The following PRKD1 variants were observed in gnomAD, a reference collection of about 807,000 sequenced individuals.
PRKD1 encodes the protein protein kinase D1, also known as serine/threonine-protein kinase D1.
Under a neutral mutation model 95.9 loss-of-function variants are expected in PRKD1, and 63 were observed. That is an observed-to-expected ratio of 0.66 (90% CI 0.54 to 0.81). The LOEUF is 0.81. PRKD1 is among the 30% of genes least tolerant of loss of function. The pLI is 0.00. For synonymous variants in PRKD1, 425 were observed against 423.1 expected (o/e 1.00, Z -0.05); for missense variants, 1,048 against 1,165.3 (o/e 0.90, Z 1.47).
chr14:29,747,869 G>A (rs1488324054), intron 1 of PRKD1, among the ~76,000 whole-genome samples: 1 of 151,876 alleles, frequency 6.6e-6, no homozygotes, highest in Non-Finnish European at 1.5e-5. Flanking sequence ...TCTGCCTACC[G>A]AGCAGCTGGG....
chr14:29,838,275 T>C (rs963738782), intron 1 of PRKD1, among the ~76,000 whole-genome samples: 2 of 151,960 alleles, frequency 1.3e-5, no homozygotes, highest in Non-Finnish European at 2.9e-5. Context: ...TTATCTTTTT[T>C]AATTAAAAAA....
chr14:29,746,533 C>CAA (rs1267519051), intron 1 of PRKD1, among the ~76,000 whole-genome samples: 1 of 144,560 alleles, frequency 6.9e-6, no homozygotes, highest in Non-Finnish European at 1.6e-5. Flanking sequence ...TACATATATA[C>CAA]ACACACACAC....
chr14:29,836,948 A>T (rs1387098530), intron 1 of PRKD1, among the ~76,000 whole-genome samples: 1 of 152,178 alleles, frequency 6.6e-6, no homozygotes, highest in African/African-American at 2.4e-5. Flanking sequence ...GTACTCATAA[A>T]ATTCATAATA....
chr14:29,728,860 T>C (rs1228406909), intron 1 of PRKD1, among the ~76,000 whole-genome samples: 1 of 152,142 alleles, frequency 6.6e-6, no homozygotes, highest in African/African-American at 2.4e-5. Flanking sequence ...TTAATAAACT[T>C]ACCACCACAT....
intron 1 of PRKD1, among the ~76,000 whole-genome samples, chr14:29,916,855 G>A (rs761933535): frequency 6.6e-6 from 1 of 152,060 alleles, no homozygotes; most frequent in Non-Finnish European, 1.5e-5. Context: ...AAATGTCTTC[G>A]AACTCATCCT....
chr14:29,782,814 T>C (rs1375786117), intron 1 of PRKD1, among the ~76,000 whole-genome samples: 1 of 152,196 alleles, frequency 6.6e-6, no homozygotes, highest in African/African-American at 2.4e-5. Context: ...AAAGTGCCAG[T>C]ATTACAGGCG....
At chr14:29,812,152 A>C (rs1300833812) in intron 1 of PRKD1, 1 of 152,174 alleles carries the variant, frequency 6.6e-6, no homozygotes, top group Non-Finnish European at 1.5e-5. Context: ...AGTTTTGCAA[A>C]ATGTCATTGA....
intron 1 of PRKD1, among the ~76,000 whole-genome samples, chr14:29,738,110 A>G (rs1886812667): frequency 6.6e-6 from 1 of 152,164 alleles, no homozygotes; most frequent in Non-Finnish European, 1.5e-5. Flanking sequence ...AAAGTGAATA[A>G]TCCAGTATTA....
chr14:29,826,017 C>A (rs1396472283), intron 1 of PRKD1, among the ~76,000 whole-genome samples: 1 of 151,650 alleles, frequency 6.6e-6, no homozygotes, highest in Non-Finnish European at 1.5e-5. Context: ...CTGGTACATG[C>A]ATGTTTATAG....
At chr14:29,620,587 A>T (rs984879849) in intron 13 of PRKD1, among the ~76,000 whole-genome samples, 39 of 149,770 alleles carry the variant, frequency 2.6e-4, no homozygotes, top group African/African-American at 9.3e-4. Context: ...GCTCATCATC[A>T]CTGGCCATCA....
At chr14:29,702,330 T>C (rs181984517) in intron 2 of PRKD1, among the ~76,000 whole-genome samples, 2 of 152,222 alleles carry the variant, frequency 1.3e-5, no homozygotes, top group East Asian at 1.9e-4. Flanking sequence ...ACAATTTCTT[T>C]TTCTTATGTC....
intron 1 of PRKD1, among the ~76,000 whole-genome samples, chr14:29,728,448 C>T (rs144079964): frequency 0.013 from 1,928 of 152,238 alleles, 29 homozygotes; most frequent in African/African-American, 0.044. Flanking sequence ...CAATGTTAAC[C>T]TCAGGCACAG....
At chr14:29,764,489 T>G (rs180975065) in intron 1 of PRKD1, among the ~76,000 whole-genome samples, 2 of 152,142 alleles carry the variant, frequency 1.3e-5, no homozygotes, top group East Asian at 3.9e-4. Context: ...TAATAGAAAT[T>G]TATTTCTCAC....
intron 13 of PRKD1, among the ~76,000 whole-genome samples, chr14:29,621,097 A>AAC (rs886296898): frequency 5.3e-5 from 8 of 150,888 alleles, no homozygotes; most frequent in Non-Finnish European, 7.4e-5. Context: ...AGGACAAAAA[A>AAC]AAACAAACAC....
intron 2 of PRKD1, among the ~76,000 whole-genome samples, chr14:29,707,011 G>C (rs1163861634): frequency 6.6e-6 from 1 of 152,082 alleles, no homozygotes; most frequent in Non-Finnish European, 1.5e-5. Context: ...AGCAAGGCAA[G>C]GCATTTCTTC....
chr14:29,683,994 C>T (rs1883696482), intron 2 of PRKD1, among the ~76,000 whole-genome samples: 1 of 152,162 alleles, frequency 6.6e-6, no homozygotes, highest in Non-Finnish European at 1.5e-5. Flanking sequence ...AATTAACAAA[C>T]CCCTTATGCC....
intron 2 of PRKD1, among the ~76,000 whole-genome samples, chr14:29,713,929 C>A (rs897348075): frequency 6.6e-6 from 1 of 152,090 alleles, no homozygotes. Context: ...TAAACTCAGG[C>A]CGGTTACTTC....
intron 1 of PRKD1, among the ~76,000 whole-genome samples, chr14:29,750,763 T>C (rs1344446546): frequency 6.6e-6 from 1 of 152,150 alleles, no homozygotes; most frequent in African/African-American, 2.4e-5. Context: ...GGCTGGGAAT[T>C]GACTCCTTTT....
intron 1 of PRKD1, among the ~76,000 whole-genome samples, chr14:29,828,385 G>C (rs142879745): frequency 6.6e-6 from 1 of 151,844 alleles, no homozygotes; most frequent in Non-Finnish European, 1.5e-5. Context: ...GTGAGATCTC[G>C]CTCATTACCA....
Sources: allele counts gnomAD v4.1 joint callset (sites outside exome capture counted in the v4.1 genomes callset), GRCh38; gene constraint gnomAD v4.1.1; transcripts MANE v1.5; gene names NCBI Gene and HGNC (gene_info 2026-07-23, HGNC 2026-07-21).